TRDN: variants seen among roughly 807,000 people sequenced by gnomAD.
TRDN encodes the protein triadin in skeletal muscle.
Under a neutral mutation model 149.7 loss-of-function variants are expected in TRDN, and 161 were observed. That is an observed-to-expected ratio of 1.08 (90% CI 0.95 to 1.23). The LOEUF (loss-of-function observed/expected upper bound fraction) is 1.23, where lower values mean the gene tolerates loss of function less well. Ranked by LOEUF, TRDN falls within the 50% of genes most tolerant of loss-of-function variation. The probability of loss-of-function intolerance (pLI) is 0.00; values close to 1 mark genes in which losing one functional copy is unlikely to be tolerated. For missense variants in TRDN, 896 were observed against 823.5 expected, an observed-to-expected ratio of 1.09 and a Z score of -1.08; for synonymous variants, 294 against 250.5, an observed-to-expected ratio of 1.17 and a Z score of -1.64.
At chr6:123,525,156 G>T (rs2114307965) in intron 5 of TRDN, among the ~76,000 whole-genome samples, 1 of 152,142 alleles carries the variant, frequency 6.6e-6, no homozygotes, top group African/African-American at 2.4e-5. Context: ...ATATCTTAAA[G>T]AAGTAAAAAT....
chr6:123,359,433 TA>T (rs1425106814), intron 20 of TRDN, among the ~76,000 whole-genome samples: 1 of 152,188 alleles, frequency 6.6e-6, no homozygotes, highest in African/African-American at 2.4e-5. Context: ...TTAAGTGGCT[TA>T]TTCAGTTTTG....
At chr6:123,586,497 A>G (rs1428960114) in intron 1 of TRDN, among the ~76,000 whole-genome samples, 1 of 152,154 alleles carries the variant, frequency 6.6e-6, no homozygotes, top group Non-Finnish European at 1.5e-5. Flanking sequence ...TGATGTGTAA[A>G]AGAATGCCTG....
intron 16 of TRDN, among the ~76,000 whole-genome samples, chr6:123,379,181 A>G (rs1055133880): frequency 1.3e-5 from 2 of 152,218 alleles, no homozygotes; most frequent in Non-Finnish European, 2.9e-5. Context: ...TCTACAAACT[A>G]TATTTTAAAA....
chr6:123,520,942 T>C (rs987016124), intron 5 of TRDN, among the ~76,000 whole-genome samples: 1 of 152,162 alleles, frequency 6.6e-6, no homozygotes, highest in Admixed American at 6.6e-5. Flanking sequence ...TAAAAGTTTA[T>C]ACAGTACAGG....
chr6:123,471,244 T>G (rs558109038), intron 9 of TRDN: 19 of 152,216 alleles, frequency 1.2e-4, no homozygotes, highest in African/African-American at 4.3e-4. Context: ...TAATTTGACT[T>G]GAGTATCTGG....
At chr6:123,459,557 T>C (rs1583068905) in intron 10 of TRDN, among the ~76,000 whole-genome samples, 2 of 152,282 alleles carry the variant, frequency 1.3e-5, no homozygotes, top group Middle Eastern at 6.8e-3. Context: ...GATAAAGGCT[T>C]CCTACTTTGG....
rs1035826153 is a variant in TRDN, at chr6:123,617,175, G to A, written c.22+19579C>T. ...CAGCTGAAAATGTACATAGCTTCCT[G>A]ATGTGTGCCAGCCCAGGAACGTGAA... is the stretch of plus-strand genomic sequence containing the variant. On this transcript the variant is annotated intron_variant, in intron 1 of 40. Coordinates refer to ENST00000334268, the MANE Select transcript of TRDN (RefSeq NM_006073.4). Among the ~76,000 whole-genome samples, 3 of 152,078 alleles carry A rather than the reference G, an allele frequency of 2.0e-5. No homozygotes were observed. In the East Asian group the frequency reaches 5.8e-4, roughly 29 times the overall value.
At chr6:123,391,923 T>C (rs1379749061) in intron 13 of TRDN, among the ~76,000 whole-genome samples, 1 of 152,090 alleles carries the variant, frequency 6.6e-6, no homozygotes, top group Admixed American at 6.6e-5. Flanking sequence ...ATAATTTAAT[T>C]ATATGCCTAT....
At chr6:123,264,532 CAACAAAGGATTTAG>C (rs1277277803) in intron 33 of TRDN, among the ~76,000 whole-genome samples, 2 of 152,010 alleles carry the variant, frequency 1.3e-5, no homozygotes, top group Non-Finnish European at 2.9e-5. Flanking sequence ...GTCAAAATCA[CAACAAAGGATTTAG>C]AACATTCCAT....
At chr6:123,358,160 T>C (rs771935644) in intron 20 of TRDN, among the ~76,000 whole-genome samples, 6 of 152,202 alleles carry the variant, frequency 3.9e-5, no homozygotes, top group Admixed American at 6.5e-5. Context: ...AATTCTCTTT[T>C]TTCTACTTTT....
intron 23 of TRDN, among the ~76,000 whole-genome samples, chr6:123,322,627 T>C (rs1373770787): frequency 2.3e-5 from 3 of 130,804 alleles, no homozygotes; most frequent in Non-Finnish European, 4.6e-5. Context: ...TTATTATTAT[T>C]ATTATTATTA....
chr6:123,603,145 A>G (rs1255958893), intron 1 of TRDN, among the ~76,000 whole-genome samples: 1 of 40,628 alleles, frequency 2.5e-5, no homozygotes, highest in Non-Finnish European at 7.0e-5. Flanking sequence ...AATAGTATTT[A>G]TTTTTACTTT....
intron 24 of TRDN, among the ~76,000 whole-genome samples, chr6:123,313,084 A>T (rs1728815916): frequency 6.6e-6 from 1 of 152,040 alleles, no homozygotes. Flanking sequence ...TGCTATTAAT[A>T]CTTGTGATTG....
rs142280675 is a variant in TRDN, at chr6:123,267,665, A to G, written c.1783+42T>C. On this transcript the variant is annotated intron_variant, in intron 32 of 40. Transcript: ENST00000334268. The stretch of plus-strand genomic sequence containing the variant: ...TTTAATTTTTGAATATAATAAAAAT[A>G]GTGAACATAAGACAGAATATAAACC... 4,297 of 1,326,342 alleles carry G rather than the reference A, an allele frequency of 3.2e-3. 9 individuals are homozygous for G. The highest frequency in any genetic ancestry group is 0.014 in the Middle Eastern group (68 of 4,862). The allele number at this position is 1,326,342 out of a possible 1,614,324, so 82.2% of individuals were successfully genotyped here. A position where few individuals can be genotyped will look rare whatever the true frequency, so the allele number is the denominator to read the frequency against.
intron 21 of TRDN, among the ~76,000 whole-genome samples, chr6:123,346,406 AT>A (rs1349441289): frequency 6.6e-6 from 1 of 151,892 alleles, no homozygotes; most frequent in Non-Finnish European, 1.5e-5. Flanking sequence ...GTTGAATTTG[AT>A]TTTTTATATT....
chr6:123,227,517 A>G (rs1291938781), intron 38 of TRDN, among the ~76,000 whole-genome samples: 1 of 151,910 alleles, frequency 6.6e-6, no homozygotes, highest in East Asian at 1.9e-4. Context: ...GAAACAAGAC[A>G]GAGCTGGCAA....
At chr6:123,244,060 A>G (rs1776087098) in intron 38 of TRDN, among the ~76,000 whole-genome samples, 1 of 152,190 alleles carries the variant, frequency 6.6e-6, no homozygotes. Context: ...ATCAACAAAA[A>G]GGACATCCAT....
chr6:123,278,476 C>A, intron 25 of TRDN, 129 bp from the exon 26 acceptor site: 2 of 567,158 alleles, frequency 3.5e-6, no homozygotes, highest in Non-Finnish European at 5.1e-6. Flanking sequence ...CTATTAACTT[C>A]GAAAAGTTCA....
chr6:123,336,706 T>C (rs1040437728), intron 22 of TRDN, among the ~76,000 whole-genome samples: 7 of 151,948 alleles, frequency 4.6e-5, no homozygotes, highest in African/African-American at 1.7e-4. Flanking sequence ...GCAGAATAAA[T>C]AATTGTTGAA....
Sources: allele counts gnomAD v4.1 joint callset (sites outside exome capture counted in the v4.1 genomes callset), GRCh38; gene constraint gnomAD v4.1.1; transcripts MANE v1.5; gene names NCBI Gene and HGNC (gene_info 2026-07-23, HGNC 2026-07-21).